CNTFR: variants seen among roughly 807,000 people sequenced by gnomAD.
The protein encoded by CNTFR is ciliary neurotrophic factor receptor, also known as ciliary neurotrophic factor receptor subunit alpha.
Under a neutral mutation model 40.4 loss-of-function variants are expected in CNTFR, and 12 were observed. That is an observed-to-expected ratio of 0.30 (90% CI 0.19 to 0.48). The LOEUF (loss-of-function observed/expected upper bound fraction) is 0.48, where lower values mean the gene tolerates loss of function less well. CNTFR is among the 20% of genes least tolerant of loss of function. The pLI is 0.99. For missense variants in CNTFR, 414 were observed against 506.8 expected (o/e 0.82, Z 1.76); for synonymous variants, 202 against 209.6 (o/e 0.96, Z 0.31).
At position 34,552,857 on chromosome 9, in the gene CNTFR, G is replaced by T; in HGVS notation, c.769-3C>A. On this transcript the variant is annotated splice_polypyrimidine_tract_variant and splice_region_variant and intron_variant, in intron 7 of 9. Coordinates refer to ENST00000378980, the MANE Select transcript of CNTFR (RefSeq NM_147164.3). The surrounding 1 kb of genome is among the most constrained non-coding windows in gnomAD (Gnocchi z 5.1). ...GCTGTGCCGTCGGACAGCTCCACCT[G>T]CAGCCAGACCATGGGGTGGGGGTAA... 6.2e-7 allele frequency: 1 copy of T among 1,609,542 alleles called. No individual in the cohort carries two copies.
chr9:34,570,404 G>A (rs536312024), intron 2 of CNTFR, among the ~76,000 whole-genome samples: 4 of 152,320 alleles, frequency 2.6e-5, no homozygotes, highest in East Asian at 3.9e-4. Flanking sequence ...ATACACTGCC[G>A]AAGGACGAGC....
At chr9:34,584,322 C>T (rs766333832) in intron 1 of CNTFR, among the ~76,000 whole-genome samples, 4 of 152,130 alleles carry the variant, frequency 2.6e-5, no homozygotes, top group Non-Finnish European at 5.9e-5. Context: ...AAAACAAAGG[C>T]TCTCTTTCTT....
At chr9:34,586,807 T>C (rs1293837051) in intron 1 of CNTFR, among the ~76,000 whole-genome samples, 1 of 152,198 alleles carries the variant, frequency 6.6e-6, no homozygotes, top group African/African-American at 2.4e-5. Context: ...CAGCCCATTG[T>C]GAGGGACGTG....
chr9:34,582,297 A>AAAAAAAAAAAAAAAAAAAAC (rs56745437), intron 1 of CNTFR: 1 of 142,606 alleles, frequency 7.0e-6, no homozygotes. Context: ...AAAAAAAAAA[A>AAAAAAAAAAAAAAAAAAAAC]CACAAGCTTT....
intron 7 of CNTFR, among the ~76,000 whole-genome samples, chr9:34,555,922 A>G (rs982454607): frequency 4.7e-5 from 1 of 21,100 alleles, no homozygotes; most frequent in Non-Finnish European, 9.1e-5. Context: ...CTCCCCTGCC[A>G]TCTCCCTCCC....
chr9:34,557,193 G>GT lies in CNTFR; in HGVS notation c.604+332_604+333insA, dbSNP rs1491126997. On this transcript the variant is annotated intron_variant, in intron 6 of 9. Transcript: ENST00000378980. The surrounding 1 kb of genome is among the most constrained non-coding windows in gnomAD (Gnocchi z 4.2). ...AGTCCGTAAGGAAGCCATTAGAGTT[G>GT]GGGGGGGGTGCGGTGGAGGCTGCAG... is the stretch of plus-strand genomic sequence containing the variant. Among the ~76,000 whole-genome samples, 1 of 31,302 alleles carries GT rather than the reference G, an allele frequency of 3.2e-5. No individual in the cohort carries two copies. Among genetic ancestry groups the GT allele is most frequent in the African/African-American group, 5.0e-5 (1 of 19,938 alleles). The allele number at this position is 31,302 out of a possible 152,430, so 20.5% of individuals were successfully genotyped here. A position where few individuals can be genotyped will look rare whatever the true frequency, so the allele number is the denominator to read the frequency against.
chr9:34,565,928 G>A (rs2132166149), intron 3 of CNTFR, among the ~76,000 whole-genome samples: 1 of 151,984 alleles, frequency 6.6e-6, no homozygotes, highest in South Asian at 2.1e-4. Flanking sequence ...GAGAAGGGAA[G>A]GGGGAGAGGG....
chr9:34,585,220 G>C (rs140080734), intron 1 of CNTFR, among the ~76,000 whole-genome samples: 2 of 152,316 alleles, frequency 1.3e-5, no homozygotes, highest in East Asian at 1.9e-4. Context: ...GAGCAAGGGA[G>C]ACCCAGTCCT....
rs1827695639 is a variant in CNTFR, at chr9:34,589,659, C to T, written c.-216G>A. The stretch of plus-strand genomic sequence containing the variant: ...AGCACCGCCCGCCGGATCCCACCGC[C>T]GAGCCTCGCGCCGCGCCGGCTGGAG... On this transcript the variant is annotated 5_prime_UTR_variant, in exon 1 of 10. Coordinates refer to ENST00000378980, the MANE Select transcript of CNTFR (RefSeq NM_147164.3). The surrounding 1 kb of genome is among the most constrained non-coding windows in gnomAD (Gnocchi z 4.4). The T allele has an allele frequency of 6.4e-6, 1 of 155,284 alleles. No individual in the cohort carries two copies. Among genetic ancestry groups the T allele is most frequent in the African/African-American group, 2.4e-5 (1 of 41,262 alleles). 9.6% of individuals were successfully genotyped at this position (155,284 alleles called of 1,614,324 possible). A position where few individuals can be genotyped will look rare whatever the true frequency, so the allele number is the denominator to read the frequency against.
chr9:34,568,749 T>C, intron 3 of CNTFR, 148 bp downstream of exon 3: 1 of 692,116 alleles, frequency 1.4e-6, no homozygotes, highest in Admixed American at 2.2e-5. Flanking sequence ...TGCATATCAG[T>C]GTCACATGAC....
At chr9:34,569,023 C>T (rs1312789087) in intron 2 of CNTFR, 42 bp from the exon 3 acceptor site, 7 of 1,520,574 alleles carry the variant, frequency 4.6e-6, no homozygotes, top group African/African-American at 1.4e-5. Context: ...CAGCATCAGC[C>T]CAGGCAGGAC....
At chr9:34,570,324 G>A (rs1202061132) in intron 2 of CNTFR, among the ~76,000 whole-genome samples, 1 of 152,176 alleles carries the variant, frequency 6.6e-6, no homozygotes, top group Non-Finnish European at 1.5e-5. Flanking sequence ...CAGAGAGGTG[G>A]TCAGAGAACA....
At chr9:34,563,227 T>C (rs1413418377) in intron 4 of CNTFR, among the ~76,000 whole-genome samples, 1 of 152,226 alleles carries the variant, frequency 6.6e-6, no homozygotes. Flanking sequence ...TATTAATACT[T>C]CTCACTCCCA....
chr9:34,577,920 G>A (rs1564073035), intron 2 of CNTFR, among the ~76,000 whole-genome samples: 2 of 151,180 alleles, frequency 1.3e-5, no homozygotes, highest in Non-Finnish European at 3.0e-5. Context: ...GGGAAGCGCC[G>A]AGGCGGGCTG....
At chr9:34,588,642 C>T (rs1409636122) in intron 1 of CNTFR, among the ~76,000 whole-genome samples, 1 of 152,148 alleles carries the variant, frequency 6.6e-6, no homozygotes, top group East Asian at 1.9e-4. Flanking sequence ...GAAAGAAAAT[C>T]CTGAATTTTC....
rs115598270 is a variant in CNTFR, at chr9:34,576,216, G to A, written c.-1+4879C>T. On this transcript the variant is annotated intron_variant, in intron 2 of 9. Coordinates refer to ENST00000378980, the MANE Select transcript of CNTFR (RefSeq NM_147164.3). ...AGCCTACCATCGTGGCCACACATCA[G>A]GGCCTCCCACATGGACACCCACTCC... Among the ~76,000 whole-genome samples, 1,003 of 152,296 alleles carry A rather than the reference G, an allele frequency of 6.6e-3. 9 individuals are homozygous for A. Among genetic ancestry groups the A allele is most frequent in the African/African-American group, 0.022 (923 of 41,570 alleles).
intron 4 of CNTFR, among the ~76,000 whole-genome samples, chr9:34,563,998 C>A (rs1826174891): frequency 6.6e-6 from 1 of 152,192 alleles, no homozygotes; most frequent in Non-Finnish European, 1.5e-5. Context: ...CAACACCAGC[C>A]CAAGTGGCCT....
At chr9:34,576,172 C>T (rs899440618) in intron 2 of CNTFR, among the ~76,000 whole-genome samples, 8 of 152,162 alleles carry the variant, frequency 5.3e-5, no homozygotes, top group Admixed American at 2.0e-4. Context: ...GGCAGCCTCT[C>T]GCAGACACTG....
chr9:34,561,405 G>A (rs1826069982), intron 4 of CNTFR, among the ~76,000 whole-genome samples: 1 of 152,158 alleles, frequency 6.6e-6, no homozygotes, highest in African/African-American at 2.4e-5. Context: ...AGATCAGAAC[G>A]ATACAGAATC....
Sources: allele counts gnomAD v4.1 joint callset (sites outside exome capture counted in the v4.1 genomes callset), GRCh38; gene constraint gnomAD v4.1.1; non-coding constraint Gnocchi (gnomAD v3.1); transcripts MANE v1.5; gene names NCBI Gene and HGNC (gene_info 2026-07-23, HGNC 2026-07-21).